The following PCDHGB3 variants were observed in gnomAD, a reference collection of about 807,000 sequenced individuals.
PCDHGB3 encodes the protein protocadherin gamma subfamily B, 3.
In PCDHGB3, 40 loss-of-function variants were observed where a neutral mutation model predicts 59.2. The observed-to-expected ratio is 0.68, with a 90% confidence interval of 0.52 to 0.88. The LOEUF is 0.88. Among genes scored for constraint, PCDHGB3 ranks in the 40% least tolerant of loss-of-function variants. The probability of loss-of-function intolerance (pLI) is 0.00; values close to 1 mark genes in which losing one functional copy is unlikely to be tolerated. For synonymous variants in PCDHGB3, 581 were observed against 503.6 expected (o/e 1.15, Z -2.06); for missense variants, 1,309 against 1,187.9 (o/e 1.10, Z -1.50).
intron 1 of PCDHGB3, chr5:141,424,468 C>A (rs1301878037): frequency 1.3e-5 from 2 of 152,072 alleles, no homozygotes; most frequent in South Asian, 2.1e-4. Context: ...TCCTTTTATT[C>A]TTTTACTTTG....
Position 141,372,032 on chromosome 5 carries a change from G to A in PCDHGB3, c.1638G>A (p.Val546=), listed in dbSNP as rs1177751501. The change falls in exon 1 of 4, where the codon GTG becomes GTA. Residue 546 remains valine, a synonymous_variant. Coordinates refer to ENST00000576222, the MANE Select transcript of PCDHGB3 (RefSeq NM_018924.5). ...GCTCGCCTACGCTCAGCGCCAACGTGAGCCTGCGCGTGTTGGTGGACGACC... is the reference window on the plus strand; with the variant it reads ...GCTCGCCTACGCTCAGCGCCAACGTAAGCCTGCGCGTGTTGGTGGACGACC... ...DQGSPTLSAN[V]SLRVLVDDRN... 1.2e-6 allele frequency: 2 copies of A among 1,613,340 alleles called. No individual in the cohort carries two copies. Among genetic ancestry groups the A allele is most frequent in the Non-Finnish European group, 1.7e-6 (2 of 1,179,770 alleles).
chr5:141,473,233 C>T (rs116489525), intron 1 of PCDHGB3, among the ~76,000 whole-genome samples: 1,684 of 152,238 alleles, frequency 0.011, 34 homozygotes, highest in African/African-American at 0.039. Flanking sequence ...ATTGGATCCA[C>T]ACAAGTGAAT....
rs763544302 is a variant in PCDHGB3, at chr5:141,385,145, T to C, written c.2415+12336T>C. On this transcript the variant is annotated intron_variant, in intron 1 of 3. Coordinates refer to ENST00000576222, the MANE Select transcript of PCDHGB3 (RefSeq NM_018924.5). ...GTGGGCATGGACGGGGTGCAGGCTTTCCTGCAGACCTATTCCCATGAGGTC... is the reference window on the plus strand; with the variant it reads ...GTGGGCATGGACGGGGTGCAGGCTTCCCTGCAGACCTATTCCCATGAGGTC... 5.6e-6 allele frequency: 9 copies of C among 1,614,106 alleles called. No homozygotes were observed. The highest frequency in any genetic ancestry group is 7.6e-6 in the Non-Finnish European group (9 of 1,180,050).
chr5:141,418,867 A>T, intron 1 of PCDHGB3: 1 of 1,613,968 alleles, frequency 6.2e-7, no homozygotes, highest in Non-Finnish European at 8.5e-7. Context: ...TAATTGTAGA[A>T]GTTGTAGACG....
intron 1 of PCDHGB3, among the ~76,000 whole-genome samples, chr5:141,479,965 T>C (rs2099510479): frequency 6.6e-6 from 1 of 152,234 alleles, no homozygotes; most frequent in East Asian, 1.9e-4. Context: ...GTTAGTCAAA[T>C]GAGGTTCTAC....
intron 1 of PCDHGB3, chr5:141,471,252 T>A (rs1003162914): frequency 6.6e-6 from 1 of 151,872 alleles, no homozygotes; most frequent in Admixed American, 6.6e-5. Flanking sequence ...GGTTTCACCA[T>A]GTTGGCAAGG....
In PCDHGB3 at chr5:141,505,323, G is replaced by T. The variant is rs996747379; in HGVS notation, c.2475-70G>T. 12 of 1,606,640 alleles carry T rather than the reference G, an allele frequency of 7.5e-6. No homozygotes were observed. In the African/African-American group the frequency reaches 1.5e-4, roughly 20 times the overall value. On this transcript the variant is annotated intron_variant, in intron 2 of 3. Transcript: ENST00000576222. Reference sequence around the variant, plus strand: ...TAGGGTACTAGGTTTGGGAGCCCTGGGAGAGGACAGGAGGGGCATGAGCTG... The same window carrying T: ...TAGGGTACTAGGTTTGGGAGCCCTGTGAGAGGACAGGAGGGGCATGAGCTG...
intron 1 of PCDHGB3, among the ~76,000 whole-genome samples, chr5:141,373,339 C>A (rs1769496946): frequency 6.6e-6 from 1 of 152,172 alleles, no homozygotes; most frequent in African/African-American, 2.4e-5. Context: ...TCTAAAATGG[C>A]AACTCTTGTA....
rs750182814 is a variant in PCDHGB3, at chr5:141,375,970, G to T, written c.2415+3161G>T. 15 of 1,613,334 alleles carry T rather than the reference G, an allele frequency of 9.3e-6. No homozygotes were observed. The South Asian group carries it at 1.6e-4, about 18-fold the overall frequency. Reference sequence around the variant, plus strand: ...TGCACACGGGCGAGGTGCGCACGGCGCGCGCCCTGCTGGACAGAGACGCGC... The same window carrying T: ...TGCACACGGGCGAGGTGCGCACGGCTCGCGCCCTGCTGGACAGAGACGCGC... On this transcript the variant is annotated intron_variant, in intron 1 of 3. Transcript: ENST00000576222.
intron 2 of PCDHGB3, among the ~76,000 whole-genome samples, chr5:141,503,909 C>T (rs904260329): frequency 1.3e-5 from 2 of 152,156 alleles, no homozygotes; most frequent in Admixed American, 1.3e-4. Flanking sequence ...ACACACACAA[C>T]GCAACACACA....
intron 1 of PCDHGB3, chr5:141,388,437 A>C: frequency 6.2e-7 from 1 of 1,613,892 alleles, no homozygotes; most frequent in Non-Finnish European, 8.5e-7. Context: ...AAATAAAGAG[A>C]AATCAGATGG....
Position 141,491,529 on chromosome 5 carries a change from G to T in PCDHGB3, c.2416-3278G>T, listed in dbSNP as rs1157770121. ...GCACGCTCAAGTACATGGAGGTGAC[G>T]CTGCGGCCCACAGACTCGCAGAGCC... On this transcript the variant is annotated intron_variant, in intron 1 of 3. Transcript: ENST00000576222. This position sits in a 1 kb window ranked among gnomAD's most constrained non-coding sequence, Gnocchi z 6.9. The T allele has an allele frequency of 6.2e-7, 1 of 1,614,040 alleles. No individual in the cohort carries two copies. The highest frequency in any genetic ancestry group is 1.1e-5 in the South Asian group (1 of 91,080).
chr5:141,410,101 C>T, intron 1 of PCDHGB3: 1 of 1,612,490 alleles, frequency 6.2e-7, no homozygotes, highest in African/African-American at 1.3e-5. Flanking sequence ...GAGCCTTAGG[C>T]GACAGGGACG....
At chr5:141,466,510 AT>A (rs1222513096) in intron 1 of PCDHGB3, among the ~76,000 whole-genome samples, 1 of 151,938 alleles carries the variant, frequency 6.6e-6, no homozygotes, top group Non-Finnish European at 1.5e-5. Context: ...AGACAAGATC[AT>A]TTTTTTTCCT....
chr5:141,427,616 C>T (rs922511046), intron 1 of PCDHGB3: 1 of 693,880 alleles, frequency 1.4e-6, no homozygotes, highest in Non-Finnish European at 2.6e-6. Context: ...GTGAAGTCAA[C>T]GACAATGCTC....
In PCDHGB3 at chr5:141,395,138, C is replaced by T. The variant is rs147992300; in HGVS notation, c.2415+22329C>T. 1,238 of 1,614,204 alleles carry T rather than the reference C, an allele frequency of 7.7e-4. 19 individuals are homozygous for T. In the East Asian group the frequency reaches 0.018, roughly 24 times the overall value. On this transcript the variant is annotated intron_variant, in intron 1 of 3. Transcript: ENST00000576222. ...ACCTGATCTTTCCCCAGCCCAACTA[C>T]GCAGACATGCTCATCAGTCAGGAGG...
chr5:141,486,659 G>A lies in PCDHGB3; in HGVS notation c.2416-8148G>A, dbSNP rs758578821. The stretch of plus-strand genomic sequence containing the variant: ...TGCGCTTATCTCCTACTCACTCCTG[G>A]AGCCCAGGAATCGAGATGTATCAGC... On this transcript the variant is annotated intron_variant, in intron 1 of 3. Transcript: ENST00000576222. This position sits in a 1 kb window ranked among gnomAD's most constrained non-coding sequence, Gnocchi z 5.0. 5.0e-6 allele frequency: 8 copies of A among 1,613,944 alleles called. No homozygotes were observed. Among genetic ancestry groups the A allele is most frequent in the Middle Eastern group, 1.6e-4 (1 of 6,062 alleles).
intron 1 of PCDHGB3, chr5:141,399,459 C>A (rs897098728): frequency 6.2e-7 from 1 of 1,614,012 alleles, no homozygotes; most frequent in African/African-American, 1.3e-5. Flanking sequence ...TCAACGATAA[C>A]GCTCCGGTTT....
At chr5:141,422,279 C>T (rs1344316011) in intron 1 of PCDHGB3, 1 of 1,557,956 alleles carries the variant, frequency 6.4e-7, no homozygotes, top group Non-Finnish European at 8.6e-7. Context: ...ATAACTATCA[C>T]CTCTTCTATT....
Sources: allele counts gnomAD v4.1 joint callset (sites outside exome capture counted in the v4.1 genomes callset), GRCh38; gene constraint gnomAD v4.1.1; non-coding constraint Gnocchi (gnomAD v3.1); transcripts MANE v1.5; gene names NCBI Gene and HGNC (gene_info 2026-07-23, HGNC 2026-07-21).